RFX5: variants seen among roughly 807,000 people sequenced by gnomAD.
RFX5 encodes DNA-binding protein RFX5.
In RFX5, 30 loss-of-function variants were observed where a neutral mutation model predicts 41.2. The observed-to-expected ratio is 0.73, with a 90% CI of 0.54 to 0.99. The LOEUF is 0.99. RFX5 is among the 50% of genes least tolerant of loss of function. The pLI is 0.00. For synonymous variants in RFX5, 231 were observed against 291.8 expected (o/e 0.79, Z 2.12); for missense variants, 715 against 773.6 (o/e 0.92, Z 0.90).
intron 4 of RFX5, 171 bp from the exon 5 acceptor site, chr1:151,345,359 C>A: frequency 1.7e-6 from 1 of 578,086 alleles, no homozygotes; most frequent in Non-Finnish European, 3.2e-6. Context: ...CCTACAATCC[C>A]AGCACTTTGG....
intron 9 of RFX5, 78 bp downstream of exon 9, chr1:151,343,603 T>A: frequency 6.6e-7 from 1 of 1,511,524 alleles, no homozygotes; most frequent in Non-Finnish European, 9.1e-7. Context: ...CCAAGGTGTC[T>A]CTATTCTAGT....
intron 2 of RFX5, 21 bp from the exon 3 acceptor site, chr1:151,346,354 C>A (rs1247587865): frequency 6.3e-7 from 1 of 1,594,956 alleles, no homozygotes; most frequent in Admixed American, 1.7e-5. Flanking sequence ...GAGGGACAGG[C>A]ATAAAGATGT....
Position 151,342,342 on chromosome 1 carries a change from C to T in RFX5, c.1695G>A (p.Val565=). Residue 565 remains valine, a synonymous_variant, in exon 11 of 11, where the codon GTG becomes GTA. Coordinates refer to ENST00000452671, the MANE Select transcript of RFX5 (RefSeq NM_001025603.2). Reference sequence around the variant, plus strand: ...GGCTTCTGCTGCCCTTGATGACACTCACTTTTGAGGGGACCAAGGGAATTT... The same window carrying T: ...GGCTTCTGCTGCCCTTGATGACACTTACTTTTGAGGGGACCAAGGGAATTT... ...EDKIPLVPSK[V]SVIKGSRSQK... 1 of 1,614,184 alleles carries T rather than the reference C, an allele frequency of 6.2e-7. No individual in the cohort carries two copies. Among genetic ancestry groups the T allele is most frequent in the Non-Finnish European group, 8.5e-7 (1 of 1,180,032 alleles).
chr1:151,342,394 G>T lies in RFX5; in HGVS notation c.1643C>A (p.Ser548Tyr). The T allele has an allele frequency of 6.2e-7, 1 of 1,614,152 alleles. No individual in the cohort carries two copies. The highest frequency in any genetic ancestry group is 8.5e-7 in the Non-Finnish European group (1 of 1,180,040). ...TVSKGGRGPGSQHTKEAEDKI... is the reference protein window; with the variant it reads ...TVSKGGRGPGYQHTKEAEDKI... ...ATCTTCTGCTTCTTTGGTATGCTGG[G>T]AACCGGGGCCCCTTCCTCCTTTGGA... Residue 548 changes from serine (S) to tyrosine (Y), a missense_variant, in exon 11 of 11, where the codon TCC becomes TAC. By Grantham distance (144) the Ser-to-Tyr change is moderately radical. Transcript: ENST00000452671.
Position 151,342,852 on chromosome 1 carries a change from T to C in RFX5, c.1185A>G (p.Gly395=), listed in dbSNP as rs372560621. 969 of 1,614,086 alleles carry C rather than the reference T, an allele frequency of 6.0e-4. 4 individuals are homozygous for C. Among genetic ancestry groups the C allele is most frequent in the South Asian group, 1.8e-3 (167 of 91,088 alleles). The change falls in exon 11 of 11, where the codon GGA becomes GGG. Residue 395 remains glycine, a synonymous_variant. Coordinates refer to ENST00000452671, the MANE Select transcript of RFX5 (RefSeq NM_001025603.2). ...LPTVPALPGP[G]PGPGRAPPGG... is the part of the protein sequence containing the mutation. Reference sequence around the variant, plus strand: ...CAGGTGGAGCTCGCCCAGGCCCAGGTCCAGGTCCAGGCAAAGCAGGAACAG... The same window carrying C: ...CAGGTGGAGCTCGCCCAGGCCCAGGCCCAGGTCCAGGCAAAGCAGGAACAG...
rs1651057296 is a variant in RFX5 at position 151,346,348 on chromosome 1, G to A, written c.-13-15C>T. The stretch of plus-strand genomic sequence containing the variant: ...CGGCATGAGGGCTAGAATTGAGAGG[G>A]ACAGGCATAAAGATGTAACTCACAC... On this transcript the variant is annotated splice_polypyrimidine_tract_variant and intron_variant, in intron 2 of 10. Transcript: ENST00000452671. 1.2e-6 allele frequency: 2 copies of A among 1,601,944 alleles called. No individual in the cohort carries two copies. The highest frequency in any genetic ancestry group is 1.3e-5 in the African/African-American group (1 of 74,794).
Position 151,341,485 on chromosome 1 carries a change from GTGT to G in RFX5, c.*698_*700del, listed in dbSNP as rs1203865403. 2.6e-5 allele frequency: 4 copies of G among 154,118 alleles called. No homozygotes were observed. The highest frequency in any genetic ancestry group is 4.8e-5 in the African/African-American group (2 of 41,418). 9.5% of individuals were successfully genotyped at this position (154,118 alleles called of 1,614,324 possible). ...CTGACCCCCACCCTTTTCCCCAAAG[GTGT>G]TGTCCATGATATAGAATAAGCAAAT... On this transcript the variant is annotated 3_prime_UTR_variant, in exon 11 of 11. Transcript: ENST00000452671.
At position 151,342,277 on chromosome 1, in the gene RFX5, G is replaced by C; in HGVS notation, c.1760C>G (p.Thr587Ser). Residue 587 changes from threonine (T) to serine (S), a missense_variant, in exon 11 of 11, where the codon ACT (threonine) becomes AGT (serine). Transcript: ENST00000452671. ...AFPLAKGEVD[T>S]APQGNKDLKE... ...TAAGTCTTTATTACCCTGTGGTGCA[G>C]TGTCTACCTCTCCCTTTGCCAAAGG... 7 of 1,614,212 alleles carry C rather than the reference G, an allele frequency of 4.3e-6. No individual in the cohort carries two copies. Among genetic ancestry groups the C allele is most frequent in the Non-Finnish European group, 5.9e-6 (7 of 1,180,038 alleles).
intron 9 of RFX5, 52 bp from the exon 10 acceptor site, chr1:151,343,494 A>G (rs1396824619): frequency 4.5e-6 from 7 of 1,564,052 alleles, no homozygotes; most frequent in Non-Finnish European, 6.2e-6. Context: ...GAAACTGAGG[A>G]ATAGGGGAGT....
chr1:151,345,669 A>G (rs1484886022), intron 4 of RFX5, among the ~76,000 whole-genome samples: 2 of 151,976 alleles, frequency 1.3e-5, no homozygotes, highest in Non-Finnish European at 2.9e-5. Flanking sequence ...GAGGAGCCCT[A>G]TAGGCTACCA....
Position 151,346,332 on chromosome 1 carries a change from G to A in RFX5, c.-12C>T. On this transcript the variant is annotated splice_region_variant and 5_prime_UTR_variant, in exon 3 of 11. Coordinates refer to ENST00000452671, the MANE Select transcript of RFX5 (RefSeq NM_001025603.2). Reference sequence around the variant, plus strand: ...TCATCTTCTGCCATCCCGGCATGAGGGCTAGAATTGAGAGGGACAGGCATA... The same window carrying A: ...TCATCTTCTGCCATCCCGGCATGAGAGCTAGAATTGAGAGGGACAGGCATA... 1 of 1,611,952 alleles carries A rather than the reference G, an allele frequency of 6.2e-7. No homozygotes were observed. Among genetic ancestry groups the A allele is most frequent in the East Asian group, 2.2e-5 (1 of 44,872 alleles).
chr1:151,342,868 G>A lies in RFX5; in HGVS notation c.1169C>T (p.Ala390Val). ...AGGCCCAGGTCCAGGTCCAGGCAAA[G>A]CAGGAACAGTTGGTAAGATCATGTT... ...IINMILPTVP[A>V]LPGPGPGPGR... is the part of the protein sequence containing the mutation. The change falls in exon 11 of 11, where the codon GCT (alanine) becomes GTT (valine). Residue 390 changes from alanine to valine, a missense_variant. By Grantham distance (64) the Ala-to-Val change is moderately conservative (BLOSUM62 0). Coordinates refer to ENST00000452671, the MANE Select transcript of RFX5 (RefSeq NM_001025603.2). 1 of 1,614,212 alleles carries A rather than the reference G, an allele frequency of 6.2e-7. No individual in the cohort carries two copies. Among genetic ancestry groups the A allele is most frequent in the Non-Finnish European group, 8.5e-7 (1 of 1,180,046 alleles).
chr1:151,343,827 G>A lies in RFX5; in HGVS notation c.611C>T (p.Ala204Val), dbSNP rs1260985647. Residue 204 changes from alanine (A) to valine (V), a missense_variant, in exon 9 of 11, where the codon GCG becomes GTG. Coordinates refer to ENST00000452671, the MANE Select transcript of RFX5 (RefSeq NM_001025603.2). Reference sequence around the variant, plus strand: ...TGCCCAGTCACAGGTCAGGGCACACGCTGCCTCCACCAGTTCATCTCGAGG... The same window carrying A: ...TGCCCAGTCACAGGTCAGGGCACACACTGCCTCCACCAGTTCATCTCGAGG... ...PAPRDELVEA[A>V]CALTCDWAER... is the part of the protein sequence containing the mutation. 4 of 1,614,130 alleles carry A rather than the reference G, an allele frequency of 2.5e-6. No individual in the cohort carries two copies. Among genetic ancestry groups the A allele is most frequent in the East Asian group, 2.2e-5 (1 of 44,888 alleles).
intron 4 of RFX5, 145 bp downstream of exon 4, chr1:151,345,780 GGCA>G: frequency 9.4e-7 from 1 of 1,068,472 alleles, no homozygotes. Context: ...AAGTCAAACT[GGCA>G]GCAAGTTTGC....
At position 151,342,787 on chromosome 1, in the gene RFX5, A is replaced by G. The variant is rs1650585242; in HGVS notation, c.1250T>C (p.Val417Ala). The change falls in exon 11 of 11, where the codon GTA (valine) becomes GCA (alanine). Residue 417 changes from valine (V) to alanine (A), a missense_variant. Physicochemically the swap from Val to Ala is moderately conservative, Grantham distance 64. Transcript: ENST00000452671. ...TQPRGTENRE[V>A]GIGGDQGPHD... ...TGGTCCTTGGTCACCACCTATGCCT[A>G]CCTCTCTGTTCTCTGTGCCCCGGGG... 1.2e-6 allele frequency: 2 copies of G among 1,613,856 alleles called. No homozygotes were observed.
chr1:151,346,757 T>C, intron 1 of RFX5, 151 bp from the exon 2 acceptor site: 1 of 215,116 alleles, frequency 4.6e-6, no homozygotes, highest in Non-Finnish European at 9.6e-6. Flanking sequence ...CTCCTCACCA[T>C]TGCATATGCC....
intron 3 of RFX5, 31 bp downstream of exon 3, chr1:151,346,174 G>T (rs756029480): frequency 2.5e-6 from 4 of 1,603,388 alleles, no homozygotes. Flanking sequence ...TCAGGTCTTG[G>T]ACAGGACTTG....
chr1:151,341,833 A>G lies in RFX5; in HGVS notation c.*353T>C. ...ACTTTCTAGTTACATGAACCAATAA[A>G]TCCTTTTTATTTTAAGCCAGTTTGA... is the stretch of plus-strand genomic sequence containing the variant. On this transcript the variant is annotated 3_prime_UTR_variant, in exon 11 of 11. Coordinates refer to ENST00000452671, the MANE Select transcript of RFX5 (RefSeq NM_001025603.2). 2.5e-6 allele frequency: 1 copy of G among 402,466 alleles called. No individual in the cohort carries two copies. The highest frequency in any genetic ancestry group is 6.2e-5 in the East Asian group (1 of 16,108). The allele number at this position is 402,466 out of a possible 1,614,324, so 24.9% of individuals were successfully genotyped here.
intron 5 of RFX5, 114 bp from the exon 6 acceptor site, chr1:151,344,961 T>A: frequency 6.3e-7 from 1 of 1,597,480 alleles, no homozygotes; most frequent in East Asian, 2.2e-5. Flanking sequence ...AATCTAACTT[T>A]CCCTGGTAAA....
Sources: allele counts gnomAD v4.1 joint callset (sites outside exome capture counted in the v4.1 genomes callset), GRCh38; gene constraint gnomAD v4.1.1; transcripts MANE v1.5; gene names NCBI Gene and HGNC (gene_info 2026-07-23, HGNC 2026-07-21).